Variants in CDH10 observed in about 807,000 individuals in gnomAD.
The protein encoded by CDH10 is cadherin-10.
A neutral mutation model predicts 73.1 loss-of-function variants in CDH10; 30 were observed. That is an observed-to-expected ratio of 0.41 (90% CI 0.31 to 0.56). The LOEUF is 0.56. Ranked by LOEUF, CDH10 falls within the 20% of genes least tolerant of loss-of-function variation. The pLI is 0.27. For synonymous variants in CDH10, 345 were observed against 348.2 expected (o/e 0.99, Z 0.10); for missense variants, 815 against 973.7 (o/e 0.84, Z 2.17).
chr5:24,607,263 T>C (rs1746791323), intron 1 of CDH10, among the ~76,000 whole-genome samples: 1 of 152,130 alleles, frequency 6.6e-6, no homozygotes, highest in Admixed American at 6.5e-5. Flanking sequence ...CCTAATTAGA[T>C]GACTGAAGTA....
intron 1 of CDH10, among the ~76,000 whole-genome samples, chr5:24,599,200 C>A (rs1746476495): frequency 6.6e-6 from 1 of 152,086 alleles, no homozygotes; most frequent in Non-Finnish European, 1.5e-5. Flanking sequence ...GGATTTATTT[C>A]ATTATGTGGA....
intron 1 of CDH10, among the ~76,000 whole-genome samples, chr5:24,628,430 G>C (rs1388254675): frequency 6.6e-6 from 1 of 152,128 alleles, no homozygotes; most frequent in Non-Finnish European, 1.5e-5. Context: ...GAATTTGTGA[G>C]CACATATGAG....
At chr5:24,622,798 C>G (rs906805549) in intron 1 of CDH10, among the ~76,000 whole-genome samples, 1 of 152,090 alleles carries the variant, frequency 6.6e-6, no homozygotes, top group South Asian at 2.1e-4. Flanking sequence ...GGAAACAACC[C>G]TCTAATGTCA....
chr5:24,512,162 A>G (rs1742938852), intron 5 of CDH10, among the ~76,000 whole-genome samples: 1 of 152,078 alleles, frequency 6.6e-6, no homozygotes, highest in Non-Finnish European at 1.5e-5. Context: ...AAATATTAGC[A>G]TGTTGTCTCT....
intron 1 of CDH10, among the ~76,000 whole-genome samples, chr5:24,626,962 T>A (rs1747530371): frequency 6.6e-6 from 1 of 151,264 alleles, no homozygotes; most frequent in African/African-American, 2.4e-5. Flanking sequence ...AAAAACAATT[T>A]CTAAAAAATT....
At chr5:24,606,240 T>G (rs9293139) in intron 1 of CDH10, among the ~76,000 whole-genome samples, 4 of 152,028 alleles carry the variant, frequency 2.6e-5, no homozygotes, top group African/African-American at 9.7e-5. Context: ...CAAAGTTGCA[T>G]GAAATGATGC....
At chr5:24,611,026 C>T (rs1015449555) in intron 1 of CDH10, among the ~76,000 whole-genome samples, 1 of 152,158 alleles carries the variant, frequency 6.6e-6, no homozygotes, top group African/African-American at 2.4e-5. Flanking sequence ...ATAGCTTAAA[C>T]ATTGTTTCTC....
At chr5:24,492,782 A>C (rs1742109160) in intron 10 of CDH10, 35 bp downstream of exon 10, 1 of 844,326 alleles carries the variant, frequency 1.2e-6, no homozygotes, top group Non-Finnish European at 2.1e-6. Flanking sequence ...TGTTAATATC[A>C]TCATAAGTCA....
At chr5:24,612,436 T>C (rs1166001707) in intron 1 of CDH10, 1 of 152,232 alleles carries the variant, frequency 6.6e-6, no homozygotes, top group Admixed American at 6.5e-5. Context: ...ATCTCACAGA[T>C]ATACTTCTTT....
At position 24,488,034 on chromosome 5, in the gene CDH10, C is replaced by T. The variant is rs780047745; in HGVS notation, c.1996G>A (p.Asp666Asn). 1.9e-6 allele frequency: 3 copies of T among 1,613,954 alleles called. No homozygotes were observed. Among genetic ancestry groups the T allele is most frequent in the Non-Finnish European group, 2.5e-6 (3 of 1,179,954 alleles). ...SYNDEGGGEE[D>N]TQAFDIGTLR... Reference sequence around the variant, plus strand: ...GTGCCGATATCAAAGGCCTGGGTGTCCTCCTCTCCACCACCCTCATCGTTA... The same window carrying T: ...GTGCCGATATCAAAGGCCTGGGTGTTCTCCTCTCCACCACCCTCATCGTTA... Residue 666 changes from aspartate (D) to asparagine (N), a missense_variant, in exon 12 of 12, where the codon GAC becomes AAC. By Grantham distance (23) the Asp-to-Asn change is conservative. Coordinates refer to ENST00000264463, the MANE Select transcript of CDH10 (RefSeq NM_006727.5).
rs539633731 is a variant in CDH10 at position 24,632,656 on chromosome 5, T to C, written c.-124+11938A>G. Among the ~76,000 whole-genome samples the C allele has an allele frequency of 2.8e-4, 43 of 152,144 alleles. 1 individual carries two copies. The South Asian group carries it at 8.7e-3, about 31-fold the overall frequency. On this transcript the variant is annotated intron_variant, in intron 1 of 11. Coordinates refer to ENST00000264463, the MANE Select transcript of CDH10 (RefSeq NM_006727.5). Reference sequence around the variant, plus strand: ...AAAATAGAGAAAATAATTTGCCTAATAGCAATGGACAACCATAGCTTTAAC... The same window carrying C: ...AAAATAGAGAAAATAATTTGCCTAACAGCAATGGACAACCATAGCTTTAAC...
intron 1 of CDH10, among the ~76,000 whole-genome samples, chr5:24,621,825 T>C (rs1747326553): frequency 6.8e-6 from 1 of 146,616 alleles, no homozygotes; most frequent in Non-Finnish European, 1.5e-5. Flanking sequence ...TATACGTGTG[T>C]ATACACACAC....
At chr5:24,587,086 T>C (rs55719201) in intron 2 of CDH10, among the ~76,000 whole-genome samples, 38,695 of 150,926 alleles carry the variant, frequency 0.26, 5,309 homozygotes, top group African/African-American at 0.35. Context: ...CCTCGTGATC[T>C]GCCCGCCTCG....
In CDH10 at chr5:24,618,983, A is replaced by G. The variant is rs557670776; in HGVS notation, c.-123-25370T>C. The stretch of plus-strand genomic sequence containing the variant: ...ATGTGTTCTATAGTATCATTGAGTC[A>G]TATACTAAAGTAGTCAATCATAAAA... On this transcript the variant is annotated intron_variant, in intron 1 of 11. Coordinates refer to ENST00000264463, the MANE Select transcript of CDH10 (RefSeq NM_006727.5). 1.6e-4 allele frequency among the ~76,000 whole-genome samples: 25 copies of G among 152,314 alleles called. No homozygotes were observed. In the South Asian group the frequency reaches 5.2e-3, roughly 32 times the overall value.
chr5:24,614,693 G>A (rs956478088), intron 1 of CDH10, among the ~76,000 whole-genome samples: 22 of 151,952 alleles, frequency 1.4e-4, no homozygotes, highest in Admixed American at 9.2e-4. Context: ...AATTATTAGC[G>A]TCCTCATGAC....
chr5:24,627,880 A>T (rs890187458), intron 1 of CDH10, among the ~76,000 whole-genome samples: 2 of 152,108 alleles, frequency 1.3e-5, no homozygotes, highest in Non-Finnish European at 2.9e-5. Flanking sequence ...CCACACACAC[A>T]CTAATATAGT....
chr5:24,615,786 C>T (rs545919516), intron 1 of CDH10, among the ~76,000 whole-genome samples: 2 of 152,216 alleles, frequency 1.3e-5, no homozygotes, highest in South Asian at 4.1e-4. Flanking sequence ...ATCATATATG[C>T]AATTCAACAA....
chr5:24,508,551 G>T (rs1464941163), intron 7 of CDH10, among the ~76,000 whole-genome samples: 5 of 150,696 alleles, frequency 3.3e-5, no homozygotes. Flanking sequence ...CAAAGACAGG[G>T]TGTTGCTTTG....
chr5:24,563,033 T>A (rs1745017336), intron 2 of CDH10, among the ~76,000 whole-genome samples: 1 of 152,178 alleles, frequency 6.6e-6, no homozygotes, highest in Admixed American at 6.5e-5. Context: ...GTTATCATAA[T>A]CCAATTACCA....
Sources: allele counts gnomAD v4.1 joint callset (sites outside exome capture counted in the v4.1 genomes callset), GRCh38; gene constraint gnomAD v4.1.1; transcripts MANE v1.5; gene names NCBI Gene and HGNC (gene_info 2026-07-23, HGNC 2026-07-21).